The following ROBO2 variants were observed in gnomAD, a reference collection of about 807,000 sequenced individuals.
The protein encoded by ROBO2 is roundabout homolog 2.
A neutral mutation model predicts 160.8 loss-of-function variants in ROBO2; 53 were observed. That is an observed-to-expected ratio of 0.33 (90% confidence interval 0.26 to 0.41). ROBO2 has a LOEUF of 0.41. Among genes scored for constraint, ROBO2 ranks in the 10% least tolerant of loss-of-function variants. ROBO2 has a pLI of 1.00. For synonymous variants in ROBO2, 664 were observed against 611.7 expected (o/e 1.09, Z -1.26); for missense variants, 1,577 against 1,722.4 (o/e 0.92, Z 1.49).
chr3:77,511,509 C>G (rs2089392583), intron 5 of ROBO2, among the ~76,000 whole-genome samples: 1 of 152,002 alleles, frequency 6.6e-6, no homozygotes, highest in Admixed American at 6.6e-5. Context: ...AACTATTGTC[C>G]TGTTGCGGTG....
At chr3:76,421,755 A>G (rs2076006123) in intron 2 of ROBO2, among the ~76,000 whole-genome samples, 1 of 152,078 alleles carries the variant, frequency 6.6e-6, no homozygotes, top group African/African-American at 2.4e-5. Flanking sequence ...CAATTTGTCC[A>G]TACAACATTA....
At chr3:76,438,475 A>G (rs931490571) in intron 2 of ROBO2, among the ~76,000 whole-genome samples, 14 of 151,948 alleles carry the variant, frequency 9.2e-5, no homozygotes, top group African/African-American at 2.2e-4. Flanking sequence ...CGTATTTTAC[A>G]TAAAGTAATC....
chr3:77,153,175 TCTC>T (rs2077686832), intron 2 of ROBO2, among the ~76,000 whole-genome samples: 1 of 152,140 alleles, frequency 6.6e-6, no homozygotes, highest in Non-Finnish European at 1.5e-5. Context: ...TTGTGTTAAA[TCTC>T]CTTTAAACGT....
At chr3:76,282,477 T>C (rs1708281846) in intron 2 of ROBO2, among the ~76,000 whole-genome samples, 1 of 152,038 alleles carries the variant, frequency 6.6e-6, no homozygotes, top group African/African-American at 2.4e-5. Context: ...TTGTTTATTT[T>C]TTTCTAAAAA....
chr3:75,979,501 G>T (rs1576364842), intron 2 of ROBO2, among the ~76,000 whole-genome samples: 1 of 151,384 alleles, frequency 6.6e-6, no homozygotes, highest in East Asian at 2.0e-4. Flanking sequence ...TGGAAAAATG[G>T]TTCCGAGGAC....
At chr3:77,589,045 C>G in intron 17 of ROBO2, 112 bp downstream of exon 18, 2 of 1,231,254 alleles carry the variant, frequency 1.6e-6, no homozygotes, top group Non-Finnish European at 2.4e-6. Flanking sequence ...TTTTAGAAAC[C>G]TGCACTGTAA....
chr3:76,430,131 G>T (rs1052063860), intron 2 of ROBO2, among the ~76,000 whole-genome samples: 24 of 152,206 alleles, frequency 1.6e-4, no homozygotes, highest in Non-Finnish European at 3.5e-4. Flanking sequence ...TTCCAGAGTT[G>T]CCAGGTAGGC....
chr3:77,512,901 A>T (rs925958470), intron 5 of ROBO2, among the ~76,000 whole-genome samples: 9 of 151,962 alleles, frequency 5.9e-5, no homozygotes, highest in African/African-American at 1.9e-4. Context: ...CAACTTAACG[A>T]TTAATACAGC....
At chr3:76,285,511 G>A (rs1251363903) in intron 2 of ROBO2, among the ~76,000 whole-genome samples, 2 of 151,974 alleles carry the variant, frequency 1.3e-5, no homozygotes, top group African/African-American at 4.8e-5. Flanking sequence ...ATATTTTGAT[G>A]TTAAAGACCT....
chr3:77,191,176 A>G (rs191381966), intron 2 of ROBO2, among the ~76,000 whole-genome samples: 602 of 152,256 alleles, frequency 4.0e-3, no homozygotes, highest in Admixed American at 8.2e-3. Flanking sequence ...TACTAGCTAC[A>G]TGTATTAATG....
chr3:76,747,223 A>G (rs2108153708), intron 2 of ROBO2, among the ~76,000 whole-genome samples: 1 of 152,288 alleles, frequency 6.6e-6, no homozygotes, highest in Non-Finnish European at 1.5e-5. Flanking sequence ...AGCAAACAAC[A>G]TCTGTTTAGT....
intron 2 of ROBO2, among the ~76,000 whole-genome samples, chr3:76,884,769 G>A (rs1459123614): frequency 6.6e-6 from 1 of 152,122 alleles, no homozygotes; most frequent in East Asian, 1.9e-4. Context: ...TAATGTGAAT[G>A]CATTGGAATT....
intron 2 of ROBO2, among the ~76,000 whole-genome samples, chr3:76,903,123 T>C (rs538428684): frequency 3.1e-4 from 47 of 152,216 alleles, no homozygotes; most frequent in African/African-American, 1.1e-3. Context: ...ATATAATACC[T>C]TATGTAGAAA....
chr3:77,635,005 A>G (rs2095239694), exon 24 of ROBO2: 1 of 1,614,008 alleles, frequency 6.2e-7, no homozygotes, highest in South Asian at 1.1e-5. Context: ...ATGGACCAAC[A>G]ACCAGCATTG....
intron 2 of ROBO2, among the ~76,000 whole-genome samples, chr3:76,992,261 A>G (rs2060707700): frequency 6.7e-6 from 1 of 149,464 alleles, no homozygotes; most frequent in South Asian, 2.1e-4. Flanking sequence ...TAGGACATAT[A>G]TCTCCAAATA....
At chr3:77,165,098 T>A in intron 2 of ROBO2, among the ~76,000 whole-genome samples, 2 of 151,784 alleles carry the variant, frequency 1.3e-5, no homozygotes, top group East Asian at 3.9e-4. Context: ...AGGATGACAA[T>A]GGCGGTTTTG....
chr3:76,735,045 A>T (rs1205712441), intron 2 of ROBO2, among the ~76,000 whole-genome samples: 1 of 152,222 alleles, frequency 6.6e-6, no homozygotes, highest in Non-Finnish European at 1.5e-5. Flanking sequence ...AGAACTTAAC[A>T]GAGAGCTACC....
chr3:76,224,299 G>A (rs1359575792), intron 2 of ROBO2, among the ~76,000 whole-genome samples: 1 of 152,160 alleles, frequency 6.6e-6, no homozygotes, highest in Non-Finnish European at 1.5e-5. Context: ...AAAACCGAGA[G>A]AGTTAATGGC....
At chr3:77,261,857 C>A (rs369448471) in intron 2 of ROBO2, among the ~76,000 whole-genome samples, 1 of 151,456 alleles carries the variant, frequency 6.6e-6, no homozygotes, top group Non-Finnish European at 1.5e-5. Flanking sequence ...AGCCTCAAAC[C>A]CCTGGGCTCA....
Sources: allele counts gnomAD v4.1 joint callset (sites outside exome capture counted in the v4.1 genomes callset), GRCh38; gene constraint gnomAD v4.1.1; transcripts MANE v1.5; gene names NCBI Gene and HGNC (gene_info 2026-07-23, HGNC 2026-07-21).